The following IFI44L variants were observed in gnomAD, a reference collection of about 807,000 sequenced individuals.
The protein encoded by IFI44L is interferon induced protein 44 like, also known as interferon-induced protein 44-like.
In IFI44L, 40 loss-of-function variants were observed where a neutral mutation model predicts 39.3. The observed-to-expected ratio is 1.02, with a 90% CI of 0.79 to 1.33. The LOEUF is 1.33. IFI44L is among the 40% of genes most tolerant of loss of function. IFI44L has a pLI of 0.00. For synonymous variants in IFI44L, 198 were observed against 182.3 expected (o/e 1.09, Z -0.69); for missense variants, 623 against 549.0 (o/e 1.13, Z -1.35).
intron 1 of IFI44L, 25 bp from the exon 2 acceptor site, chr1:78,627,881 C>T (rs1652549748): frequency 3.0e-6 from 4 of 1,347,120 alleles, no homozygotes; most frequent in Non-Finnish European, 4.0e-6. Context: ...ATAAGCTTCT[C>T]AACCTATAAT....
At chr1:78,639,685 T>G (rs916816762) in intron 6 of IFI44L, among the ~76,000 whole-genome samples, 4 of 152,052 alleles carry the variant, frequency 2.6e-5, no homozygotes, top group Admixed American at 2.0e-4. Context: ...CTACATTTAG[T>G]GTAAAGAAGA....
At chr1:78,628,538 G>C (rs1261520666) in intron 2 of IFI44L, 145 bp downstream of exon 2, 9 of 624,790 alleles carry the variant, frequency 1.4e-5, no homozygotes, top group South Asian at 4.2e-5. Flanking sequence ...GAAATGAAAC[G>C]TGGGGAACAT....
intron 3 of IFI44L, 65 bp from the exon 4 acceptor site, chr1:78,629,655 G>T: frequency 8.4e-7 from 1 of 1,188,010 alleles, no homozygotes; most frequent in Non-Finnish European, 1.2e-6. Context: ...GGTGACTTGA[G>T]ATGTTCTTTA....
At chr1:78,621,913 T>G (rs996602643) in intron 1 of IFI44L, among the ~76,000 whole-genome samples, 1 of 152,146 alleles carries the variant, frequency 6.6e-6, no homozygotes, top group Non-Finnish European at 1.5e-5. Context: ...TTTGAGTATT[T>G]ATTATTTCCA....
chr1:78,625,063 T>C (rs2100474872), intron 1 of IFI44L, among the ~76,000 whole-genome samples: 1 of 152,044 alleles, frequency 6.6e-6, no homozygotes, highest in Admixed American at 6.6e-5. Flanking sequence ...TCCTTCTTTC[T>C]TTCCTTCCTT....
At chr1:78,627,272 T>A (rs1442743875) in intron 1 of IFI44L, 1 of 152,128 alleles carries the variant, frequency 6.6e-6, no homozygotes, top group Non-Finnish European at 1.5e-5. Context: ...CAAGTTTTTT[T>A]CATTGAAATA....
chr1:78,634,573 A>G (rs907114967), intron 4 of IFI44L, among the ~76,000 whole-genome samples: 7 of 152,296 alleles, frequency 4.6e-5, no homozygotes, highest in African/African-American at 1.2e-4. Context: ...CCTGTCTTAC[A>G]AGAATGTTAA....
In IFI44L at chr1:78,641,562, TG is replaced by T; in HGVS notation, c.1278del (p.Arg427GlyfsTer7). On this transcript the variant is annotated frameshift_variant, in exon 8 of 9. Coordinates refer to ENST00000370751, the MANE Select transcript of IFI44L (RefSeq NM_006820.4). LOFTEE classifies it low-confidence loss of function (END_TRUNC). ...ILILSALRQMLRAADDFLEDL... is the reference protein window; with the variant it reads ...ILILSALRQMXRAADDFLEDL... ...ATCCTCTCTGCACTGAGGCAGATGC[TG>T]CGGGCTGCAGATGATTTTTTAGAAG... The T allele has an allele frequency of 6.2e-7, 1 of 1,613,736 alleles. No homozygotes were observed. Among genetic ancestry groups the T allele is most frequent in the Non-Finnish European group, 8.5e-7 (1 of 1,179,722 alleles).
chr1:78,628,179 A>G lies in IFI44L; in HGVS notation c.264A>G (p.Gln88=). The G allele has an allele frequency of 6.2e-7, 1 of 1,612,880 alleles. No individual in the cohort carries two copies. The highest frequency in any genetic ancestry group is 8.5e-7 in the Non-Finnish European group (1 of 1,179,438). The change falls in exon 2 of 9, where the codon CAA becomes CAG. Residue 88 remains glutamine, a synonymous_variant. Transcript: ENST00000370751. ...ATGATTCCCTATGGTTTTCACTTCA[A>G]AAGAAAAATGACACCACTGAAATAG... ...EPNDSLWFSL[Q]KKNDTTEIET... is the part of the protein sequence containing the mutation.
At position 78,628,151 on chromosome 1, in the gene IFI44L, C is replaced by T. The variant is rs1296940794; in HGVS notation, c.236C>T (p.Pro79Leu). 2.5e-6 allele frequency: 4 copies of T among 1,611,672 alleles called. No homozygotes were observed. The highest frequency in any genetic ancestry group is 3.4e-6 in the Non-Finnish European group (4 of 1,178,606). ...AATTTACATGAAAGTTCTACAGAGCCAAATGATTCCCTATGGTTTTCACTT... is the reference window on the plus strand; with the variant it reads ...AATTTACATGAAAGTTCTACAGAGCTAAATGATTCCCTATGGTTTTCACTT... ...YINLHESSTE[P>L]NDSLWFSLQK... is the part of the protein sequence containing the mutation. Residue 79 changes from proline to leucine, a missense_variant, in exon 2 of 9, where the codon CCA becomes CTA. Pro to Leu is a moderately conservative substitution (Grantham distance 98). Transcript: ENST00000370751.
intron 1 of IFI44L, chr1:78,626,108 A>T (rs1163545221): frequency 6.6e-6 from 1 of 151,790 alleles, no homozygotes; most frequent in Non-Finnish European, 1.5e-5. Context: ...TGTATCCTTT[A>T]ATCCCTTTTG....
chr1:78,640,597 T>C (rs1646971231), intron 6 of IFI44L, among the ~76,000 whole-genome samples: 1 of 152,140 alleles, frequency 6.6e-6, no homozygotes, highest in Non-Finnish European at 1.5e-5. Context: ...TCCCTGTGGT[T>C]TGAGGGAGAA....
intron 6 of IFI44L, among the ~76,000 whole-genome samples, chr1:78,639,867 T>A (rs906013375): frequency 1.3e-4 from 20 of 152,144 alleles, no homozygotes; most frequent in African/African-American, 4.3e-4. Context: ...TGCCGTTTAA[T>A]GTATAGAGCA....
intron 1 of IFI44L, among the ~76,000 whole-genome samples, chr1:78,624,676 G>A (rs1312709474): frequency 6.6e-6 from 1 of 152,026 alleles, no homozygotes; most frequent in Non-Finnish European, 1.5e-5. Flanking sequence ...TTGAAAGTGG[G>A]CTATCAAAAT....
In IFI44L at chr1:78,627,971, T is replaced by A. The variant is rs748219494; in HGVS notation, c.56T>A (p.Leu19His). 99 of 1,610,922 alleles carry A rather than the reference T, an allele frequency of 6.1e-5. No homozygotes were observed. Among genetic ancestry groups the A allele is most frequent in the Non-Finnish European group, 8.2e-5 (97 of 1,178,880 alleles). The change falls in exon 2 of 9, where the codon CTT becomes CAT. Residue 19 changes from leucine to histidine, a missense_variant. Coordinates refer to ENST00000370751, the MANE Select transcript of IFI44L (RefSeq NM_006820.4). ...WNDENHLRKL[L>H]GNVSLSLLYK... ...GATGAAAATCATCTGCGCAAGCTGCTTGGAAATGTTTCTTTGAGTCTTCTC... is the reference window on the plus strand; with the variant it reads ...GATGAAAATCATCTGCGCAAGCTGCATGGAAATGTTTCTTTGAGTCTTCTC...
Position 78,628,262 on chromosome 1 carries a change from T to C in IFI44L, c.347T>C (p.Leu116Ser), listed in dbSNP as rs1652577613. 6.2e-7 allele frequency: 1 copy of C among 1,610,890 alleles called. No individual in the cohort carries two copies. ...KIIDEQLVCR[L>S]SKTDIFIICR... ...ATTGATGAGCAACTGGTGTGTCGTT[T>C]ATCGAAAACGGATATTTTCATTATA... The change falls in exon 2 of 9, where the codon TTA becomes TCA. Residue 116 changes from leucine to serine, a missense_variant. Leu to Ser is a moderately radical substitution (Grantham distance 145). Transcript: ENST00000370751.
intron 1 of IFI44L, among the ~76,000 whole-genome samples, chr1:78,622,814 C>T (rs1223400184): frequency 6.6e-6 from 1 of 152,186 alleles, no homozygotes; most frequent in East Asian, 1.9e-4. Flanking sequence ...CTCATATCTA[C>T]AACCATAAGG....
In IFI44L at chr1:78,644,554, G is replaced by T. The variant is rs1357231327; in HGVS notation, c.*2745G>T. On this transcript the variant is annotated 3_prime_UTR_variant, in exon 9 of 9. Transcript: ENST00000370751. Reference sequence around the variant, plus strand: ...CCTCAAAAAGGGGGAAACATCTTTTGTCTGGGAGGATATTTTCCATTTTGT... The same window carrying T: ...CCTCAAAAAGGGGGAAACATCTTTTTTCTGGGAGGATATTTTCCATTTTGT... 1 of 152,304 alleles carries T rather than the reference G, an allele frequency of 6.6e-6. No homozygotes were observed. The highest frequency in any genetic ancestry group is 1.5e-5 in the Non-Finnish European group (1 of 68,010). 9.4% of individuals were successfully genotyped at this position (152,304 alleles called of 1,614,324 possible). A position where few individuals can be genotyped will look rare whatever the true frequency, so the allele number is the denominator to read the frequency against.
At chr1:78,623,764 T>C (rs543904455) in intron 1 of IFI44L, among the ~76,000 whole-genome samples, 2 of 152,036 alleles carry the variant, frequency 1.3e-5, no homozygotes, top group Non-Finnish European at 2.9e-5. Flanking sequence ...GAGGTGTAAG[T>C]CCCAGAATCC....
Sources: gnomAD v4.1 joint callset for allele counts (sites outside exome capture counted in the v4.1 genomes callset) on GRCh38, gnomAD v4.1.1 for gene constraint, MANE v1.5 for transcripts, NCBI Gene and HGNC (gene_info 2026-07-23, HGNC 2026-07-21) for gene names.